The following RYR3 variants were observed in gnomAD, a reference collection of about 807,000 sequenced individuals.
RYR3 encodes the protein ryanodine receptor 3, also known as brain ryanodine receptor-calcium release channel.
In RYR3, 207 loss-of-function variants were observed where a neutral mutation model predicts 584.3. The ratio of observed to expected loss-of-function variants is 0.35; its 90% confidence interval spans 0.32 to 0.40. RYR3 has a LOEUF of 0.40. RYR3 is among the 10% of genes least tolerant of loss of function. The pLI is 1.00. For synonymous variants in RYR3, 2,416 were observed against 2,248.5 expected (o/e 1.07, Z -2.11); for missense variants, 5,616 against 6,089.2 (o/e 0.92, Z 2.59).
intron 62 of RYR3, among the ~76,000 whole-genome samples, chr15:33,771,524 C>T (rs576312028): frequency 1.8e-4 from 25 of 137,912 alleles, no homozygotes; most frequent in Non-Finnish European, 3.1e-4. Context: ...CAGGGTGAGA[C>T]GCTGTCTCAA....
At chr15:33,687,830 T>C (rs1345748712) in intron 38 of RYR3, among the ~76,000 whole-genome samples, 5 of 152,180 alleles carry the variant, frequency 3.3e-5, no homozygotes. Flanking sequence ...CCCTATTTAA[T>C]AAATGGTGCT....
chr15:33,601,386 G>T, intron 16 of RYR3, 33 bp from the exon 17 acceptor site: 1 of 1,607,172 alleles, frequency 6.2e-7, no homozygotes, highest in Middle Eastern at 1.8e-4. Flanking sequence ...CCTCCTGGTG[G>T]TCCTAAGGTT....
At chr15:33,420,548 A>G (rs1008183999) in intron 1 of RYR3, among the ~76,000 whole-genome samples, 6 of 152,146 alleles carry the variant, frequency 3.9e-5, no homozygotes, top group African/African-American at 1.4e-4. Context: ...ATGAGGTAGA[A>G]ATCTATCCTT....
At chr15:33,834,128 A>T (rs2077868904) in intron 86 of RYR3, among the ~76,000 whole-genome samples, 1 of 152,088 alleles carries the variant, frequency 6.6e-6, no homozygotes, top group South Asian at 2.1e-4. Context: ...CTAAAAATAT[A>T]AAAAAATCAG....
chr15:33,817,814 C>A (rs957291171), intron 75 of RYR3, among the ~76,000 whole-genome samples: 8 of 152,182 alleles, frequency 5.3e-5, no homozygotes, highest in Non-Finnish European at 8.8e-5. Context: ...AGCGTCACTT[C>A]AGCCCTCTAC....
chr15:33,691,245 T>C (rs1313366141), intron 38 of RYR3, among the ~76,000 whole-genome samples: 2 of 152,272 alleles, frequency 1.3e-5, no homozygotes, highest in Non-Finnish European at 2.9e-5. Flanking sequence ...AAGAATGTTT[T>C]TGTAATGTCA....
At chr15:33,667,442 G>T (rs1048552901) in intron 36 of RYR3, among the ~76,000 whole-genome samples, 1 of 152,002 alleles carries the variant, frequency 6.6e-6, no homozygotes, top group Non-Finnish European at 1.5e-5. Flanking sequence ...ACCTGACTTT[G>T]ACACCAACCA....
chr15:33,662,589 C>G lies in RYR3; in HGVS notation c.5059C>G (p.Pro1687Ala). Residue 1687 changes from proline to alanine, a missense_variant, in exon 35 of 104, where the codon CCC (proline) becomes GCC (alanine). By Grantham distance (27) the Pro-to-Ala change is conservative (BLOSUM62 -1). Transcript: ENST00000634891. The part of the protein sequence containing the change: ...EDHQKQSPEI[P>A]LESLRTKALS... ...TCACCAAAAGCAGAGCCCCGAGATT[C>G]CCTTGGAGAGTCTCAGGACGAAGGC... 6.2e-7 allele frequency: 1 copy of G among 1,613,990 alleles called. No individual in the cohort carries two copies. Among genetic ancestry groups the G allele is most frequent in the Non-Finnish European group, 8.5e-7 (1 of 1,179,898 alleles).
chr15:33,531,057 A>T (rs2054824933), intron 4 of RYR3, among the ~76,000 whole-genome samples: 1 of 152,212 alleles, frequency 6.6e-6, no homozygotes, highest in Non-Finnish European at 1.5e-5. Context: ...TAACCAGCAT[A>T]GAAGAAAAAC....
intron 2 of RYR3, among the ~76,000 whole-genome samples, chr15:33,479,046 T>C (rs1005326723): frequency 1.3e-5 from 2 of 152,138 alleles, no homozygotes; most frequent in Non-Finnish European, 2.9e-5. Context: ...AAAAATACAG[T>C]TTTCAAATCC....
chr15:33,433,691 G>T (rs529755625), intron 1 of RYR3, among the ~76,000 whole-genome samples: 4 of 152,306 alleles, frequency 2.6e-5, no homozygotes, highest in South Asian at 4.1e-4. Context: ...AACTAAACTG[G>T]TGTGTGAGAA....
At chr15:33,406,400 C>T (rs1485860685) in intron 1 of RYR3, among the ~76,000 whole-genome samples, 1 of 152,198 alleles carries the variant, frequency 6.6e-6, no homozygotes, top group Admixed American at 6.5e-5. Flanking sequence ...TCTTCCATAC[C>T]TCTGGCCTCA....
At chr15:33,386,483 T>C (rs1248358121) in intron 1 of RYR3, among the ~76,000 whole-genome samples, 2 of 152,236 alleles carry the variant, frequency 1.3e-5, no homozygotes, top group Non-Finnish European at 2.9e-5. Flanking sequence ...GAGCTGAAAT[T>C]GTAATTGCTG....
At chr15:33,360,229 G>T (rs552699739) in intron 1 of RYR3, among the ~76,000 whole-genome samples, 1 of 152,040 alleles carries the variant, frequency 6.6e-6, no homozygotes, top group Non-Finnish European at 1.5e-5. Context: ...TCTTACAGTC[G>T]TGAGATAGGA....
chr15:33,842,891 T>C (rs1365840842), intron 91 of RYR3, among the ~76,000 whole-genome samples: 10 of 152,090 alleles, frequency 6.6e-5, no homozygotes, highest in Non-Finnish European at 1.5e-4. Flanking sequence ...GCTGGTGGCG[T>C]GTTTAGGCCT....
At chr15:33,834,720 T>C (rs2077928037) in intron 86 of RYR3, among the ~76,000 whole-genome samples, 1 of 152,246 alleles carries the variant, frequency 6.6e-6, no homozygotes, top group Non-Finnish European at 1.5e-5. Context: ...TAAGAACTCA[T>C]TCTGAGGCTA....
At chr15:33,345,153 C>G (rs1486662547) in intron 1 of RYR3, among the ~76,000 whole-genome samples, 1 of 151,938 alleles carries the variant, frequency 6.6e-6, no homozygotes, top group East Asian at 1.9e-4. Context: ...TTGCCAAAAT[C>G]TATATTACAA....
rs773932652 is a variant in RYR3, at chr15:33,840,176, G to A, written c.12979-649G>A. Among the ~76,000 whole-genome samples the A allele has an allele frequency of 3.3e-5, 5 of 152,162 alleles. No individual in the cohort carries two copies. The East Asian group carries it at 5.8e-4, about 18-fold the overall frequency. On this transcript the variant is annotated intron_variant, in intron 89 of 103. Transcript: ENST00000634891. The stretch of plus-strand genomic sequence containing the variant: ...GGTGTCATCTGAGTCAAGTCCTGAC[G>A]AGCAGCAGGCACGTGAAAAGCTGGG...
At chr15:33,600,493 A>G (rs960917962) in intron 16 of RYR3, among the ~76,000 whole-genome samples, 2 of 152,008 alleles carry the variant, frequency 1.3e-5, no homozygotes, top group African/African-American at 4.8e-5. Flanking sequence ...AATCTGAATG[A>G]AAGAGGATAC....
Sources: allele counts gnomAD v4.1 joint callset (sites outside exome capture counted in the v4.1 genomes callset), GRCh38; gene constraint gnomAD v4.1.1; transcripts MANE v1.5; gene names NCBI Gene and HGNC (gene_info 2026-07-23, HGNC 2026-07-21).